Variants in BMS1 observed in about 807,000 individuals in gnomAD.
BMS1 encodes ribosome biogenesis protein BMS1 homolog.
Under a neutral mutation model 138.7 loss-of-function variants are expected in BMS1, and 53 were observed. The ratio of observed to expected loss-of-function variants is 0.38; its 90% CI spans 0.31 to 0.48. The LOEUF is 0.48. Ranked by LOEUF, BMS1 falls within the 20% of genes least tolerant of loss-of-function variation. The pLI, the probability that BMS1 is intolerant of heterozygous loss-of-function variation, is 0.97. For synonymous variants in BMS1, 504 were observed against 539.9 expected (o/e 0.93, Z 0.92); for missense variants, 1,360 against 1,565.5 (o/e 0.87, Z 2.22).
At chr10:42,790,596 G>C (rs1841472990) in intron 5 of BMS1, 85 bp downstream of exon 5, 4 of 1,415,750 alleles carry the variant, frequency 2.8e-6, no homozygotes, top group Non-Finnish European at 3.9e-6. Context: ...GCTAACACCT[G>C]TAATCCCAGC....
At chr10:42,804,730 AT>A (rs60467901) in intron 13 of BMS1, among the ~76,000 whole-genome samples, 68,822 of 146,994 alleles carry the variant, frequency 0.47, 16,380 homozygotes, top group East Asian at 0.63. Context: ...TCAAAAAAAA[AT>A]TTTTTTTTTT....
At chr10:42,785,436 A>G (rs1841296729) in intron 2 of BMS1, 46 bp from the exon 3 acceptor site, 1 of 1,517,110 alleles carries the variant, frequency 6.6e-7, no homozygotes, top group Non-Finnish European at 8.9e-7. Context: ...CTCTATTTTG[A>G]AAATGAGTTT....
chr10:42,824,482 T>C (rs1280694795), intron 21 of BMS1, among the ~76,000 whole-genome samples: 1 of 152,228 alleles, frequency 6.6e-6, no homozygotes, highest in Non-Finnish European at 1.5e-5. Context: ...AGCTTTTTAG[T>C]TTGATGCAGT....
chr10:42,830,388 G>T lies in BMS1; in HGVS notation c.3584G>T (p.Arg1195Ile), dbSNP rs761849732. 1.2e-6 allele frequency: 2 copies of T among 1,612,326 alleles called. No individual in the cohort carries two copies. The highest frequency in any genetic ancestry group is 1.3e-5 in the African/African-American group (1 of 74,696). The stretch of plus-strand genomic sequence containing the variant: ...GGCAAGGTGCCAAAGGACAGGCGGA[G>T]ACCGGCCGTCATACGCGAGCCTCAT... Reference protein sequence around the residue: ...KAGKVPKDRRRPAVIREPHER... With the variant: ...KAGKVPKDRRIPAVIREPHER... Residue 1195 changes from arginine to isoleucine, a missense_variant, in exon 22 of 23, where the codon AGA becomes ATA. Arg to Ile is a moderately conservative substitution (Grantham distance 97). This residue lies in a region of BMS1 where 425 missense variants were observed against 568.3 expected (regional missense o/e 0.75). Transcript: ENST00000374518.
intron 17 of BMS1, 59 bp downstream of exon 17, chr10:42,820,747 A>G (rs1842483410): frequency 6.4e-7 from 1 of 1,564,904 alleles, no homozygotes; most frequent in Admixed American, 1.8e-5. Context: ...AGGCTGCGTT[A>G]TTATAGCTTT....
intron 13 of BMS1, among the ~76,000 whole-genome samples, chr10:42,809,541 G>A (rs1353479090): frequency 6.6e-6 from 1 of 152,134 alleles, no homozygotes; most frequent in East Asian, 1.9e-4. Flanking sequence ...GATTATAGGC[G>A]TGAGCGACCA....
chr10:42,817,862 A>G lies in BMS1; in HGVS notation c.2580+368A>G, dbSNP rs544225767. On this transcript the variant is annotated intron_variant, in intron 15 of 22. Transcript: ENST00000374518. ...TTCCAATCGCTGCTCCCTGATTTGA[A>G]TGGCAGGTGATCAGTGGCCCCTGTG... is the stretch of plus-strand genomic sequence containing the variant. Among the ~76,000 whole-genome samples the G allele has an allele frequency of 5.5e-4, 84 of 152,316 alleles. 1 individual carries two copies. The highest frequency in any genetic ancestry group is 2.9e-5 in the Non-Finnish European group (2 of 68,030).
chr10:42,792,111 C>T (rs890793636), intron 6 of BMS1, among the ~76,000 whole-genome samples: 1 of 152,128 alleles, frequency 6.6e-6, no homozygotes, highest in African/African-American at 2.4e-5. Flanking sequence ...TTGTGCTCTT[C>T]CTCGTGTGGT....
chr10:42,827,672 G>A (rs1233639831), intron 21 of BMS1, among the ~76,000 whole-genome samples: 3 of 152,098 alleles, frequency 2.0e-5, no homozygotes, highest in Admixed American at 6.6e-5. Flanking sequence ...GTGGTGGGGG[G>A]CAGATATTTC....
chr10:42,811,440 C>T (rs1018691513), intron 13 of BMS1, among the ~76,000 whole-genome samples: 2 of 151,018 alleles, frequency 1.3e-5, no homozygotes, highest in Non-Finnish European at 2.9e-5. Context: ...TTTCTCATTT[C>T]TAATGTGAGC....
intron 11 of BMS1, 115 bp from the exon 12 acceptor site, chr10:42,798,349 CACAG>C: frequency 7.8e-7 from 1 of 1,288,520 alleles, no homozygotes; most frequent in Non-Finnish European, 1.1e-6. Context: ...CCATACCCAC[CACAG>C]ACAGAGTCCC....
chr10:42,795,005 T>C (rs1841632549), intron 9 of BMS1, among the ~76,000 whole-genome samples: 1 of 151,282 alleles, frequency 6.6e-6, no homozygotes, highest in African/African-American at 2.4e-5. Flanking sequence ...TGAGTGAGAA[T>C]ATGCGGTGTT....
At chr10:42,794,710 C>G (rs913718559) in intron 9 of BMS1, among the ~76,000 whole-genome samples, 2 of 151,564 alleles carry the variant, frequency 1.3e-5, no homozygotes, top group African/African-American at 2.4e-5. Context: ...ATACTCTCCT[C>G]TAATATAGTT....
intron 13 of BMS1, among the ~76,000 whole-genome samples, chr10:42,806,729 CG>C: frequency 7.3e-6 from 1 of 136,104 alleles, no homozygotes; most frequent in Non-Finnish European, 1.5e-5. Flanking sequence ...CACGAGACTC[CG>C]TCTCAGGAAA....
In BMS1 at chr10:42,830,283, A is replaced by G. The variant is rs1282798058; in HGVS notation, c.3479A>G (p.His1160Arg). 6.2e-7 allele frequency: 1 copy of G among 1,612,892 alleles called. No individual in the cohort carries two copies. The highest frequency in any genetic ancestry group is 1.3e-5 in the African/African-American group (1 of 74,836). Residue 1160 changes from histidine to arginine, a missense_variant, in exon 22 of 23, where the codon CAT becomes CGT. Physicochemically the swap from His to Arg is conservative, Grantham distance 29. Transcript: ENST00000374518. ...LYKPILRQKK[H>R]FNSLHIPKAL... ...CAGCCAATCCTGAGGCAAAAGAAAC[A>G]TTTTAATTCACTGCACATTCCAAAA... is the stretch of plus-strand genomic sequence containing the variant.
chr10:42,786,359 C>G (rs1841329687), intron 3 of BMS1, among the ~76,000 whole-genome samples: 2 of 152,116 alleles, frequency 1.3e-5, no homozygotes, highest in African/African-American at 2.4e-5. Flanking sequence ...ACTCTGAAAT[C>G]TCTTGTTATT....
Position 42,831,016 on chromosome 10 carries a change from A to G in BMS1, c.3769A>G (p.Lys1257Glu). Residue 1257 changes from lysine to glutamate, a missense_variant, in exon 23 of 23, where the codon AAG becomes GAG. Coordinates refer to ENST00000374518, the MANE Select transcript of BMS1 (RefSeq NM_014753.4). Reference sequence around the variant, plus strand: ...GAAGCGGCAGAAGGACCTCAGGAAGAAGCTCTTCAGAATTCAGGGGCAGAA... The same window carrying G: ...GAAGCGGCAGAAGGACCTCAGGAAGGAGCTCTTCAGAATTCAGGGGCAGAA... ...KLKRQKDLRK[K>E]LFRIQGQKER... 6.3e-7 allele frequency: 1 copy of G among 1,599,184 alleles called. No individual in the cohort carries two copies. The highest frequency in any genetic ancestry group is 2.2e-5 in the East Asian group (1 of 44,600).
Position 42,817,423 on chromosome 10 carries a change from G to A in BMS1, c.2509G>A (p.Asp837Asn). 6.2e-7 allele frequency: 1 copy of A among 1,609,480 alleles called. No homozygotes were observed. Among genetic ancestry groups the A allele is most frequent in the Non-Finnish European group, 8.5e-7 (1 of 1,179,310 alleles). The change falls in exon 15 of 23, where the codon GAT becomes AAT. Residue 837 changes from aspartate (D) to asparagine (N), a missense_variant. Around this residue, in one of 3 missense-constraint regions of BMS1, gnomAD observed 425 missense variants for 568.3 expected, o/e 0.75. Transcript: ENST00000374518. ...DKKRKLKEMFDAEYDEGESTY... is the reference protein window; with the variant it reads ...DKKRKLKEMFNAEYDEGESTY... ...GAAGAGAAAATTGAAGGAGATGTTT[G>A]ATGCAGAATATGATGAAGGAGAAAG... is the stretch of plus-strand genomic sequence containing the variant.
At chr10:42,799,044 C>A (rs1223319535) in intron 12 of BMS1, among the ~76,000 whole-genome samples, 2 of 152,200 alleles carry the variant, frequency 1.3e-5, no homozygotes, top group African/African-American at 4.8e-5. Context: ...ATTTTGTAGT[C>A]ACACTGGAAT....
Sources: allele counts gnomAD v4.1 joint callset (sites outside exome capture counted in the v4.1 genomes callset), GRCh38; gene constraint gnomAD v4.1.1; regional missense constraint gnomAD v4.1.1; transcripts MANE v1.5; gene names NCBI Gene and HGNC (gene_info 2026-07-23, HGNC 2026-07-21).